TENM2: variants seen among roughly 807,000 people sequenced by gnomAD.
The protein encoded by TENM2 is teneurin transmembrane protein 2.
TENM2 carries 52 observed loss-of-function variants against 245.2 expected under a neutral mutation model. The ratio of observed to expected loss-of-function variants is 0.21; its 90% confidence interval spans 0.17 to 0.27. The LOEUF (loss-of-function observed/expected upper bound fraction) is 0.27. Ranked by LOEUF, TENM2 falls within the 10% of genes least tolerant of loss-of-function variation. The probability of loss-of-function intolerance (pLI) is 1.00; values close to 1 mark genes in which losing one functional copy is unlikely to be tolerated. For missense variants in TENM2, 3,046 were observed against 3,666.8 expected, an observed-to-expected ratio of 0.83 and a Z score of 4.37; for synonymous variants, 1,363 against 1,438.9, an observed-to-expected ratio of 0.95 and a Z score of 1.19.
chr5:167,222,422 C>A, the TENM2 span, among the ~76,000 whole-genome samples: 1 of 152,206 alleles, frequency 6.6e-6, no homozygotes, highest in Non-Finnish European at 1.5e-5. Context: ...TTTGGTTCCA[C>A]GTAGAATTGC....
intron 4 of TENM2, among the ~76,000 whole-genome samples, chr5:167,991,777 A>T (rs867703958): frequency 6.6e-6 from 1 of 152,224 alleles, no homozygotes; most frequent in African/African-American, 2.4e-5. Flanking sequence ...AGGAATCAGG[A>T]TTTCACGGGA....
chr5:167,412,700 AG>A (rs918867108), intron 2 of TENM2, among the ~76,000 whole-genome samples: 1 of 152,146 alleles, frequency 6.6e-6, no homozygotes, highest in African/African-American at 2.4e-5. Context: ...TTGAAAAAAC[AG>A]TGGCTGTTGC....
chr5:168,006,611 T>C (rs1784839590), intron 5 of TENM2, among the ~76,000 whole-genome samples: 1 of 152,216 alleles, frequency 6.6e-6, no homozygotes, highest in Non-Finnish European at 1.5e-5. Context: ...CACAAGGCTC[T>C]TCAGTATGAA....
intron 2 of TENM2, among the ~76,000 whole-genome samples, chr5:167,551,908 T>C (rs1172936247): frequency 6.6e-6 from 1 of 152,168 alleles, no homozygotes; most frequent in Non-Finnish European, 1.5e-5. Context: ...TCTAGGCTAC[T>C]GGTGAGGGAA....
intron 15 of TENM2, 63 bp downstream of exon 17, chr5:168,195,358 G>A (rs1427699097): frequency 1.9e-6 from 3 of 1,540,254 alleles, no homozygotes; most frequent in East Asian, 2.4e-5. Context: ...GGGACAGACG[G>A]TGCTGTTGGC....
intron 2 of TENM2, among the ~76,000 whole-genome samples, chr5:167,551,341 C>A (rs922019266): frequency 2.0e-5 from 3 of 152,074 alleles, no homozygotes; most frequent in Admixed American, 6.6e-5. Context: ...TGGAAAGAGA[C>A]CCAGTAAATG....
At chr5:167,759,991 C>T (rs2150701623) in intron 2 of TENM2, among the ~76,000 whole-genome samples, 1 of 152,316 alleles carries the variant, frequency 6.6e-6, no homozygotes, top group East Asian at 1.9e-4. Context: ...ATTGATTATA[C>T]TTGAGCATGG....
intron 5 of TENM2, among the ~76,000 whole-genome samples, chr5:168,016,200 T>A (rs1227220925): frequency 6.6e-6 from 1 of 152,164 alleles, no homozygotes; most frequent in Non-Finnish European, 1.5e-5. Context: ...ATTTCACAGA[T>A]GAGGACACTG....
intron 2 of TENM2, among the ~76,000 whole-genome samples, chr5:167,494,310 A>G (rs1768641412): frequency 6.6e-6 from 1 of 152,148 alleles, no homozygotes; most frequent in Non-Finnish European, 1.5e-5. Flanking sequence ...AAGGTGTAAA[A>G]AAAAACTTAC....
At chr5:167,252,915 CGT>C in the TENM2 span, among the ~76,000 whole-genome samples, 1 of 152,076 alleles carries the variant, frequency 6.6e-6, no homozygotes, top group Non-Finnish European at 1.5e-5. Flanking sequence ...TCTGGCCTTA[CGT>C]GTCATAGCTC....
intron 2 of TENM2, among the ~76,000 whole-genome samples, chr5:167,695,982 C>T (rs376604387): frequency 8.6e-5 from 13 of 150,640 alleles, no homozygotes; most frequent in South Asian, 4.2e-4. Flanking sequence ...TGCAGTGAGC[C>T]GAGATTGCAC....
intron 2 of TENM2, among the ~76,000 whole-genome samples, chr5:167,383,145 T>C (rs9313375): frequency 0.37 from 56,839 of 151,926 alleles, 12,010 homozygotes; most frequent in African/African-American, 0.59. Context: ...GAAGGTGCTT[T>C]GTTGGGAAGA....
rs1466529502 is a variant in TENM2, at chr5:167,323,092, C to T, written c.226+38029C>T. ...TCTGGTCTCATCTGAATGACCCTCA[C>T]ATCATAAAATGTCTTTTTCTCCTTC... On this transcript the variant is annotated intron_variant, in intron 1 of 28. Coordinates refer to ENST00000518659, the Ensembl canonical transcript of TENM2. Among the ~76,000 whole-genome samples, 7 of 152,238 alleles carry T rather than the reference C, an allele frequency of 4.6e-5. No individual in the cohort carries two copies. In the East Asian group the frequency reaches 1.2e-3, roughly 25 times the overall value.
In TENM2 at chr5:168,065,014, T is replaced by G. The variant is rs143711125; in HGVS notation, c.1515+2749T>G. Among the ~76,000 whole-genome samples, 698 of 152,308 alleles carry G rather than the reference T, an allele frequency of 4.6e-3. 2 individuals carry two copies. Among genetic ancestry groups the G allele is most frequent in the African/African-American group, 0.016 (653 of 41,570 alleles). On this transcript the variant is annotated intron_variant, in intron 7 of 28. Coordinates refer to ENST00000518659, the Ensembl canonical transcript of TENM2. ...GATAGGCGACTGACGTCTCGAACTATTATAGAATTTCTCATTTTTATTGGT... is the reference window on the plus strand; with the variant it reads ...GATAGGCGACTGACGTCTCGAACTAGTATAGAATTTCTCATTTTTATTGGT...
chr5:167,327,754 A>G (rs139300204), intron 1 of TENM2, among the ~76,000 whole-genome samples: 1 of 152,324 alleles, frequency 6.6e-6, no homozygotes, highest in African/African-American at 2.4e-5. Flanking sequence ...TGTCATAAAG[A>G]CAGAGACATG....
At chr5:167,609,135 A>G (rs1262211689) in intron 2 of TENM2, among the ~76,000 whole-genome samples, 4 of 152,092 alleles carry the variant, frequency 2.6e-5, no homozygotes, top group Admixed American at 2.6e-4. Flanking sequence ...TAGGTGCCTC[A>G]TGTGTCATTC....
At chr5:167,475,283 G>A (rs1010799849) in intron 2 of TENM2, among the ~76,000 whole-genome samples, 1 of 151,930 alleles carries the variant, frequency 6.6e-6, no homozygotes, top group South Asian at 2.1e-4. Context: ...GGGCTGCAAG[G>A]TATCTTTACA....
chr5:168,056,479 G>C (rs1789551753), intron 6 of TENM2, among the ~76,000 whole-genome samples: 1 of 152,194 alleles, frequency 6.6e-6, no homozygotes, highest in African/African-American at 2.4e-5. Context: ...TGGCAAAACA[G>C]TGTTTCAGCC....
the TENM2 span, among the ~76,000 whole-genome samples, chr5:167,201,795 C>G: frequency 1.3e-5 from 2 of 152,150 alleles, no homozygotes. Flanking sequence ...GAATAATACA[C>G]AGTGTCTTGG....
Sources: gnomAD v4.1 joint callset for allele counts (sites outside exome capture counted in the v4.1 genomes callset) on GRCh38, gnomAD v4.1.1 for gene constraint, MANE v1.5 for transcripts, NCBI Gene and HGNC (gene_info 2026-07-23, HGNC 2026-07-21) for gene names.